Variants in DMD observed in about 807,000 individuals in gnomAD.
DMD encodes mutant dystrophin.
Under a neutral mutation model 330.1 loss-of-function variants are expected in DMD, and 63 were observed. That is an observed-to-expected ratio of 0.19 (90% CI 0.16 to 0.24). DMD has a LOEUF of 0.24. Ranked by LOEUF, DMD falls within the 10% of genes least tolerant of loss-of-function variation. DMD has a pLI of 1.00. For missense variants in DMD, 3,344 were observed against 2,684.1 expected (o/e 1.25, Z -5.43); for synonymous variants, 1,223 against 959.8 (o/e 1.27, Z -5.07).
chrX:32,826,663 G>C (rs1391769523), intron 4 of DMD, among the ~76,000 whole-genome samples: 5 of 111,493 alleles, frequency 4.5e-5, no homozygotes, highest in Non-Finnish European at 7.5e-5. Context: ...TCATAGAATT[G>C]AGAGTAAAAT....
chrX:32,715,980 T>A (rs965767613), intron 7 of DMD, among the ~76,000 whole-genome samples: 2 of 111,639 alleles, frequency 1.8e-5, no homozygotes, highest in East Asian at 5.6e-4. Flanking sequence ...CATTTCCTAA[T>A]TTTGAGATCA....
chrX:32,997,887 G>A (rs957321193), intron 2 of DMD, among the ~76,000 whole-genome samples: 4 of 111,923 alleles, frequency 3.6e-5, no homozygotes, highest in Admixed American at 9.5e-5. Flanking sequence ...GCCACTCATA[G>A]AGACTCAGGG....
intron 62 of DMD, among the ~76,000 whole-genome samples, chrX:31,265,532 T>C (rs1320189235): frequency 9.0e-6 from 1 of 111,077 alleles, no homozygotes; most frequent in Non-Finnish European, 1.9e-5. Flanking sequence ...TATTTGCTTT[T>C]CAAGGTTTAA....
chrX:32,072,227 T>C (rs1339686535), intron 44 of DMD, among the ~76,000 whole-genome samples: 1 of 111,527 alleles, frequency 9.0e-6, no homozygotes, highest in East Asian at 2.8e-4. Flanking sequence ...TAAAAACCCT[T>C]TGCTCTCCAA....
chrX:32,751,412 G>A (rs147824567), intron 7 of DMD, among the ~76,000 whole-genome samples: 88 of 111,654 alleles, frequency 7.9e-4, no homozygotes, highest in African/African-American at 2.5e-3. Flanking sequence ...TTTTGCTCCT[G>A]CCCTAGAGTT....
At chrX:31,341,882 T>TGC (rs764854573) in intron 61 of DMD, among the ~76,000 whole-genome samples, 6,731 of 82,582 alleles carry the variant, frequency 0.082, 264 homozygotes, top group African/African-American at 0.17. Flanking sequence ...CGCGCGTGCG[T>TGC]GCGCGCGCGC....
Position 33,113,325 on chromosome X carries a change from G to A in DMD, c.32-93125C>T, listed in dbSNP as rs559590997. On this transcript the variant is annotated intron_variant, in intron 1 of 78. Coordinates refer to ENST00000357033, the MANE Select transcript of DMD (RefSeq NM_004006.3). ...GCACGCCTCAGCCGCCCAAAGTGCTGGGATTACAGGCATGAGCCACCGTGC... is the reference window on the plus strand; with the variant it reads ...GCACGCCTCAGCCGCCCAAAGTGCTAGGATTACAGGCATGAGCCACCGTGC... Among the ~76,000 whole-genome samples the A allele has an allele frequency of 2.7e-5, 3 of 111,133 alleles. No homozygotes were observed. The South Asian group carries it at 1.2e-3, about 43-fold the overall frequency.
intron 59 of DMD, among the ~76,000 whole-genome samples, chrX:31,476,265 G>T (rs1603212837): frequency 9.4e-6 from 1 of 106,261 alleles, no homozygotes; most frequent in African/African-American, 3.4e-5. Context: ...AACGTAGGGG[G>T]ATCCAGACAG....
chrX:32,405,863 A>G (rs779482502), intron 30 of DMD, among the ~76,000 whole-genome samples: 2 of 111,618 alleles, frequency 1.8e-5, no homozygotes, highest in Non-Finnish European at 3.8e-5. Context: ...TTTTCACGAT[A>G]TTGACACTTC....
At chrX:32,347,133 G>A (rs1442068379) in intron 38 of DMD, among the ~76,000 whole-genome samples, 1 of 111,418 alleles carries the variant, frequency 9.0e-6, no homozygotes, top group East Asian at 2.8e-4. Flanking sequence ...TTTTGTCAGA[G>A]ACTGGTCAAT....
chrX:31,221,017 C>A (rs2045974382), intron 64 of DMD, among the ~76,000 whole-genome samples: 1 of 106,598 alleles, frequency 9.4e-6, no homozygotes, highest in Non-Finnish European at 1.9e-5. Context: ...GATTGGACAT[C>A]CCTGCACCAC....
intron 59 of DMD, among the ~76,000 whole-genome samples, chrX:31,470,618 C>A (rs924990370): frequency 8.9e-6 from 1 of 112,159 alleles, no homozygotes; most frequent in Non-Finnish European, 1.9e-5. Flanking sequence ...AGTCAGGAGG[C>A]ACGGGGGTCA....
intron 42 of DMD, among the ~76,000 whole-genome samples, chrX:32,306,423 G>T (rs1427740334): frequency 9.0e-6 from 1 of 110,898 alleles, no homozygotes; most frequent in Admixed American, 9.6e-5. Context: ...AACAAGGGTT[G>T]TCTCTATTTC....
chrX:32,670,670 G>C (rs147168257), intron 9 of DMD, among the ~76,000 whole-genome samples: 1 of 112,112 alleles, frequency 8.9e-6, no homozygotes, highest in East Asian at 2.8e-4. Context: ...GTTCTATTTG[G>C]AATTTTAAGA....
At chrX:32,456,960 A>T (rs1212562041) in intron 25 of DMD, among the ~76,000 whole-genome samples, 1,649 of 24,717 alleles carry the variant, frequency 0.067, 37 homozygotes, top group East Asian at 0.38. Context: ...CAGATTGTTA[A>T]AAAAAAAAAA....
chrX:31,872,726 T>C (rs2093912227), intron 48 of DMD, among the ~76,000 whole-genome samples: 2 of 111,948 alleles, frequency 1.8e-5, no homozygotes, highest in South Asian at 7.5e-4. Context: ...TTACGCCAGT[T>C]ACTTTTTAAG....
At chrX:31,388,336 T>C (rs2060547585) in intron 60 of DMD, among the ~76,000 whole-genome samples, 1 of 110,780 alleles carries the variant, frequency 9.0e-6, no homozygotes, top group South Asian at 3.9e-4. Flanking sequence ...ATGTAAGCTC[T>C]CCTGAGGGCA....
At chrX:31,469,540 G>A (rs1424059117) in intron 59 of DMD, among the ~76,000 whole-genome samples, 1 of 112,035 alleles carries the variant, frequency 8.9e-6, no homozygotes, top group Non-Finnish European at 1.9e-5. Context: ...CAAATGATCC[G>A]CTGTTAGTCT....
At chrX:32,239,080 G>A (rs113294422) in intron 43 of DMD, among the ~76,000 whole-genome samples, 4,498 of 111,508 alleles carry the variant, frequency 0.04, 101 homozygotes, top group Non-Finnish European at 0.064. Flanking sequence ...GTTGTGGATG[G>A]CTGCATGGTG....
Sources: gnomAD v4.1 joint callset for allele counts (sites outside exome capture counted in the v4.1 genomes callset) on GRCh38, gnomAD v4.1.1 for gene constraint, MANE v1.5 for transcripts, NCBI Gene and HGNC (gene_info 2026-07-23, HGNC 2026-07-21) for gene names.